The following COL23A1 variants were observed in gnomAD, a reference collection of about 807,000 sequenced individuals.
COL23A1 encodes collagen alpha-1(XXIII) chain.
COL23A1 carries 97 observed loss-of-function variants against 99.3 expected under a neutral mutation model. That is an observed-to-expected ratio of 0.98 (90% CI 0.83 to 1.16). The LOEUF (loss-of-function observed/expected upper bound fraction) is 1.16, where lower values mean the gene tolerates loss of function less well. COL23A1 is among the 50% of genes most tolerant of loss of function. COL23A1 has a pLI of 0.00. For synonymous variants in COL23A1, 320 were observed against 308.2 expected (o/e 1.04, Z -0.40); for missense variants, 762 against 757.4 (o/e 1.01, Z -0.07).
At chr5:178,417,456 C>T (rs560983927) in intron 2 of COL23A1, among the ~76,000 whole-genome samples, 323 of 152,264 alleles carry the variant, frequency 2.1e-3, no homozygotes, top group African/African-American at 7.3e-3. Context: ...GCTGTGCTTC[C>T]GATCACTGCC....
At chr5:178,540,922 T>G (rs1315365203) in intron 2 of COL23A1, among the ~76,000 whole-genome samples, 4 of 152,146 alleles carry the variant, frequency 2.6e-5, no homozygotes, top group Non-Finnish European at 5.9e-5. Flanking sequence ...AACAAGACCC[T>G]GTCTCAAAAA....
chr5:178,311,866 G>T (rs548017986), intron 2 of COL23A1, among the ~76,000 whole-genome samples: 1 of 152,136 alleles, frequency 6.6e-6, no homozygotes, highest in African/African-American at 2.4e-5. Flanking sequence ...GAGCTGCTGG[G>T]ACCACAGGCA....
intron 2 of COL23A1, among the ~76,000 whole-genome samples, chr5:178,354,938 G>A (rs917883259): frequency 6.6e-6 from 1 of 151,894 alleles, no homozygotes; most frequent in Non-Finnish European, 1.5e-5. Context: ...TGAGCCTGTG[G>A]TCCCAGCTAC....
At chr5:178,338,688 T>C (rs1333279064) in intron 2 of COL23A1, among the ~76,000 whole-genome samples, 1 of 150,604 alleles carries the variant, frequency 6.6e-6, no homozygotes. Context: ...CGGCTTGTGT[T>C]TGGTGGGAAC....
chr5:178,244,043 G>A (rs753632498), intron 25 of COL23A1, among the ~76,000 whole-genome samples: 22 of 152,122 alleles, frequency 1.4e-4, no homozygotes, highest in Non-Finnish European at 2.9e-4. Context: ...ACAGTGGCAC[G>A]ATCTCAGCTC....
rs1243548762 is a variant in COL23A1 at position 178,255,616 on chromosome 5, A to G, written c.883-590T>C. On this transcript the variant is annotated intron_variant, in intron 15 of 28. Coordinates refer to ENST00000390654, the MANE Select transcript of COL23A1 (RefSeq NM_173465.4). This position sits in a 1 kb window ranked among gnomAD's most constrained non-coding sequence, Gnocchi z 4.2. ...ACCCAGGCTGCTCTTTGCTTGGGGT[A>G]CAGTGAAGGCTGGGGAGCACTTTGG... is the stretch of plus-strand genomic sequence containing the variant. 6.6e-6 allele frequency among the ~76,000 whole-genome samples: 1 copy of G among 152,164 alleles called. No individual in the cohort carries two copies. The highest frequency in any genetic ancestry group is 1.5e-5 in the Non-Finnish European group (1 of 68,026).
At chr5:178,349,479 G>A (rs866679853) in intron 2 of COL23A1, among the ~76,000 whole-genome samples, 43 of 143,914 alleles carry the variant, frequency 3.0e-4, no homozygotes, top group African/African-American at 9.5e-4. Context: ...GGTCCCCTCC[G>A]GCCCTCCGCT....
At chr5:178,253,729 C>T (rs888704065) in intron 16 of COL23A1, among the ~76,000 whole-genome samples, 1 of 152,132 alleles carries the variant, frequency 6.6e-6, no homozygotes, top group African/African-American at 2.4e-5. Context: ...GATCCACCTG[C>T]CTCGGGCTCC....
chr5:178,516,309 G>A (rs1423138626), intron 2 of COL23A1, among the ~76,000 whole-genome samples: 1 of 152,146 alleles, frequency 6.6e-6, no homozygotes, highest in African/African-American at 2.4e-5. Context: ...GCTGGCCCTC[G>A]CCCACAGCCC....
intron 2 of COL23A1, chr5:178,442,998 A>G (rs1766961970): frequency 6.6e-6 from 1 of 152,020 alleles, no homozygotes; most frequent in Admixed American, 6.5e-5. Flanking sequence ...GTTGCTGGGA[A>G]TTTAAGGGCC....
chr5:178,246,654 C>A (rs528118279), intron 22 of COL23A1, among the ~76,000 whole-genome samples: 1 of 151,690 alleles, frequency 6.6e-6, no homozygotes, highest in Non-Finnish European at 1.5e-5. Context: ...CCAGAACAGG[C>A]TCCCTCAGCC....
At chr5:178,272,108 C>T (rs1036589230) in intron 5 of COL23A1, among the ~76,000 whole-genome samples, 2 of 152,240 alleles carry the variant, frequency 1.3e-5, no homozygotes, top group Non-Finnish European at 2.9e-5. Context: ...CCTTTCCATC[C>T]TCATCCCTCG....
intron 2 of COL23A1, among the ~76,000 whole-genome samples, chr5:178,535,846 G>T (rs7720170): frequency 0.92 from 140,245 of 152,356 alleles, 64,639 homozygotes; most frequent in Admixed American, 0.95. Context: ...ATGTGGCCCT[G>T]AGGTCAGGCC....
At chr5:178,300,431 T>C (rs542304092) in intron 3 of COL23A1, among the ~76,000 whole-genome samples, 5 of 152,188 alleles carry the variant, frequency 3.3e-5, no homozygotes, top group Non-Finnish European at 7.3e-5. Flanking sequence ...CCTTTTGTCA[T>C]TTATTGAATA....
chr5:178,570,517 C>T (rs653562), intron 1 of COL23A1, among the ~76,000 whole-genome samples: 54,905 of 151,816 alleles, frequency 0.36, 11,050 homozygotes, highest in African/African-American at 0.55. Flanking sequence ...CTAAAATCAT[C>T]CCCACATTTT....
intron 2 of COL23A1, among the ~76,000 whole-genome samples, chr5:178,474,486 T>G (rs1390937353): frequency 1.3e-5 from 2 of 151,966 alleles, no homozygotes; most frequent in East Asian, 3.9e-4. Flanking sequence ...AAATATTTCT[T>G]CCTAAAACAC....
Position 178,573,402 on chromosome 5 carries a change from C to T in COL23A1, c.295-12654G>A, listed in dbSNP as rs535098858. On this transcript the variant is annotated intron_variant, in intron 1 of 28. Coordinates refer to ENST00000390654, the MANE Select transcript of COL23A1 (RefSeq NM_173465.4). Reference sequence around the variant, plus strand: ...TTGTGAGAGCGTCTGGCCCGGCCACCGCACTTGGCAGGAGCCACTTGGCTT... The same window carrying T: ...TTGTGAGAGCGTCTGGCCCGGCCACTGCACTTGGCAGGAGCCACTTGGCTT... Among the ~76,000 whole-genome samples, 13 of 152,302 alleles carry T rather than the reference C, an allele frequency of 8.5e-5. No individual in the cohort carries two copies. The East Asian group carries it at 2.1e-3, about 25-fold the overall frequency.
rs1761451164 is a variant in COL23A1 at position 178,544,179 on chromosome 5, TTA to T, written c.361+16501_361+16502del. Among the ~76,000 whole-genome samples, 1 of 152,116 alleles carries T rather than the reference TTA, an allele frequency of 6.6e-6. No individual in the cohort carries two copies. The highest frequency in any genetic ancestry group is 6.5e-5 in the Admixed American group (1 of 15,292). On this transcript the variant is annotated intron_variant, in intron 2 of 28. Transcript: ENST00000390654. This position sits in a 1 kb window ranked among gnomAD's most constrained non-coding sequence, Gnocchi z 4.4. ...CTGCAAGCACTCTTCCCACCTGAGT[TTA>T]TCACCCCACACAGTCCCCTCCCATG...
intron 2 of COL23A1, among the ~76,000 whole-genome samples, chr5:178,517,854 C>G (rs1759628909): frequency 6.8e-6 from 1 of 147,146 alleles, no homozygotes; most frequent in Non-Finnish European, 1.5e-5. Context: ...GCCGCCGTGC[C>G]TGGCCAGCAA....
Sources: allele counts gnomAD v4.1 joint callset (sites outside exome capture counted in the v4.1 genomes callset), GRCh38; gene constraint gnomAD v4.1.1; non-coding constraint Gnocchi (gnomAD v3.1); transcripts MANE v1.5; gene names NCBI Gene and HGNC (gene_info 2026-07-23, HGNC 2026-07-21).